The following TEK variants were observed in gnomAD, a reference collection of about 807,000 sequenced individuals.
The protein encoded by TEK is TEK receptor tyrosine kinase.
A neutral mutation model predicts 131.8 loss-of-function variants in TEK; 43 were observed. The observed-to-expected ratio is 0.33, with a 90% CI of 0.26 to 0.42. The LOEUF (loss-of-function observed/expected upper bound fraction) is 0.42, where lower values mean the gene tolerates loss of function less well. Among genes scored for constraint, TEK ranks in the 10% least tolerant of loss-of-function variants. TEK has a pLI of 1.00. For missense variants in TEK, 1,162 were observed against 1,384.4 expected (o/e 0.84, Z 2.55); for synonymous variants, 580 against 491.6 (o/e 1.18, Z -2.38).
chr9:27,220,100 C>T lies in TEK; in HGVS notation c.3155C>T (p.Pro1052Leu). ...TGTGCAGAACTCTACGAGAAGCTGC[C>T]CCAGGGCTACAGACTGGAGAAGCCC... ...MTCAELYEKL[P>L]QGYRLEKPLN... The change falls in exon 21 of 23, where the codon CCC becomes CTC. Residue 1052 changes from proline to leucine, a missense_variant. Coordinates refer to ENST00000380036, the MANE Select transcript of TEK (RefSeq NM_000459.5). The T allele has an allele frequency of 1.2e-6, 2 of 1,613,988 alleles. No individual in the cohort carries two copies. Among genetic ancestry groups the T allele is most frequent in the Non-Finnish European group, 1.7e-6 (2 of 1,179,966 alleles).
chr9:27,128,713 C>T (rs1245226900), intron 1 of TEK, among the ~76,000 whole-genome samples: 1 of 151,988 alleles, frequency 6.6e-6, no homozygotes, highest in African/African-American at 2.4e-5. Flanking sequence ...AGTTGTATTC[C>T]TAGGTATTTT....
chr9:27,220,709 G>A (rs146475505), intron 21 of TEK, among the ~76,000 whole-genome samples: 105 of 152,314 alleles, frequency 6.9e-4, no homozygotes, highest in African/African-American at 2.3e-3. Flanking sequence ...CCTTCCTAGC[G>A]AAGGAGGGAC....
At position 27,197,586 on chromosome 9, in the gene TEK, G is replaced by A. The variant is rs867429615; in HGVS notation, c.1896G>A (p.Trp632Ter). The part of the protein sequence containing the change: ...QGEWSEDLTA[W>*]TLSDILPPQP... ...AATGGAGTGAAGATCTCACTGCTTG[G>A]ACCCTTAGTGACAGTAAGTAATTCA... is the stretch of plus-strand genomic sequence containing the variant. The change falls in exon 12 of 23, where the codon TGG (tryptophan) becomes TGA (stop). Residue 632 changes from tryptophan (W) to a stop codon, truncating the protein, a stop_gained. Transcript: ENST00000380036. LOFTEE classifies it high-confidence loss of function. The A allele has an allele frequency of 6.2e-7, 1 of 1,613,722 alleles. No homozygotes were observed. Among genetic ancestry groups the A allele is most frequent in the African/African-American group, 1.3e-5 (1 of 74,854 alleles).
chr9:27,137,829 G>T (rs1053347994), intron 1 of TEK, among the ~76,000 whole-genome samples: 1 of 151,624 alleles, frequency 6.6e-6, no homozygotes, highest in Non-Finnish European at 1.5e-5. Context: ...TTTCCTGGTT[G>T]TATTAGTTCT....
At chr9:27,200,287 C>T (rs1358439799) in intron 12 of TEK, among the ~76,000 whole-genome samples, 6 of 152,170 alleles carry the variant, frequency 3.9e-5, no homozygotes, top group African/African-American at 1.4e-4. Flanking sequence ...ATCACTATTT[C>T]CTATTTCAAA....
At chr9:27,168,728 C>A in intron 3 of TEK, 123 bp downstream of exon 3, 2 of 764,864 alleles carry the variant, frequency 2.6e-6, no homozygotes, top group Non-Finnish European at 4.5e-6. Context: ...TGCTATGATG[C>A]AAGCTTTCAA....
At chr9:27,224,621 C>CTGTT (rs1234884070) in intron 21 of TEK, among the ~76,000 whole-genome samples, 1 of 152,144 alleles carries the variant, frequency 6.6e-6, no homozygotes, top group Non-Finnish European at 1.5e-5. Context: ...ATATTAAGAG[C>CTGTT]TGTTTATGAC....
At chr9:27,164,608 T>C (rs2131133622) in intron 2 of TEK, among the ~76,000 whole-genome samples, 1 of 152,248 alleles carries the variant, frequency 6.6e-6, no homozygotes, top group African/African-American at 2.4e-5. Context: ...CGTGAGCAAC[T>C]ACGCCTGGCC....
At chr9:27,219,625 A>G (rs975525635) in intron 20 of TEK, among the ~76,000 whole-genome samples, 2 of 152,202 alleles carry the variant, frequency 1.3e-5, no homozygotes, top group African/African-American at 4.8e-5. Flanking sequence ...AATTTAAAAA[A>G]CTGTTCTACA....
rs545389733 is a variant in TEK, at chr9:27,113,951, C to G, written c.52+4309C>G. 3.3e-5 allele frequency among the ~76,000 whole-genome samples: 5 copies of G among 152,294 alleles called. No individual in the cohort carries two copies. The South Asian group carries it at 8.3e-4, about 25-fold the overall frequency. On this transcript the variant is annotated intron_variant, in intron 1 of 22. Coordinates refer to ENST00000380036, the MANE Select transcript of TEK (RefSeq NM_000459.5). ...TGCTGTTCCATCCATTTAGAAATGG[C>G]ATCTTTCATCTCTACTCTGCAAACA...
Position 27,215,766 on chromosome 9 carries a change from G to A in TEK, c.2992-1922G>A, listed in dbSNP as rs538784114. 6.7e-5 allele frequency among the ~76,000 whole-genome samples: 10 copies of A among 148,496 alleles called. No individual in the cohort carries two copies. The East Asian group carries it at 1.0e-3, about 15-fold the overall frequency. ...CACAGTCTCCACCTTCAAAGAGCTCGTAGACATATGACTCAGGATTGTAAC... is the reference window on the plus strand; with the variant it reads ...CACAGTCTCCACCTTCAAAGAGCTCATAGACATATGACTCAGGATTGTAAC... On this transcript the variant is annotated intron_variant, in intron 18 of 22. Coordinates refer to ENST00000380036, the MANE Select transcript of TEK (RefSeq NM_000459.5).
intron 1 of TEK, among the ~76,000 whole-genome samples, chr9:27,137,845 G>A (rs1266671287): frequency 2.0e-5 from 3 of 152,016 alleles, no homozygotes; most frequent in South Asian, 2.1e-4. Context: ...GTTCTTTTGT[G>A]TCCGGAATTT....
chr9:27,191,746 A>T (rs757203779), intron 10 of TEK, among the ~76,000 whole-genome samples: 3 of 152,198 alleles, frequency 2.0e-5, no homozygotes, highest in Non-Finnish European at 2.9e-5. Flanking sequence ...TGATTTGCTG[A>T]ATTGCTGTTT....
chr9:27,166,304 T>C (rs1823728013), intron 2 of TEK, among the ~76,000 whole-genome samples: 1 of 152,378 alleles, frequency 6.6e-6, no homozygotes, highest in Admixed American at 6.5e-5. Flanking sequence ...AGCAAGGGGT[T>C]AATGAATATT....
At chr9:27,126,312 A>G (rs542174104) in intron 1 of TEK, among the ~76,000 whole-genome samples, 3 of 152,164 alleles carry the variant, frequency 2.0e-5, no homozygotes, top group Non-Finnish European at 4.4e-5. Context: ...TCAGCACTAG[A>G]CTTGGGACCA....
At chr9:27,133,918 C>T (rs750357802) in intron 1 of TEK, among the ~76,000 whole-genome samples, 2 of 152,116 alleles carry the variant, frequency 1.3e-5, no homozygotes, top group Non-Finnish European at 2.9e-5. Context: ...CAAAGACAGC[C>T]CAGAGCTGGA....
intron 1 of TEK, among the ~76,000 whole-genome samples, chr9:27,141,783 A>G (rs1822734212): frequency 6.6e-6 from 1 of 152,232 alleles, no homozygotes; most frequent in Non-Finnish European, 1.5e-5. Flanking sequence ...CTTCCATTAC[A>G]TGATGCTGTT....
At chr9:27,130,168 C>T (rs185445758) in intron 1 of TEK, among the ~76,000 whole-genome samples, 1 of 152,270 alleles carries the variant, frequency 6.6e-6, no homozygotes, top group East Asian at 1.9e-4. Flanking sequence ...GAATATGCTA[C>T]TGTAATAACA....
chr9:27,226,750 T>G (rs929704079), intron 21 of TEK, among the ~76,000 whole-genome samples: 3 of 152,136 alleles, frequency 2.0e-5, no homozygotes, highest in African/African-American at 7.2e-5. Flanking sequence ...TACATTTTCT[T>G]GCCTAGAACC....
Sources: gnomAD v4.1 joint callset for allele counts (sites outside exome capture counted in the v4.1 genomes callset) on GRCh38, gnomAD v4.1.1 for gene constraint, MANE v1.5 for transcripts, NCBI Gene and HGNC (gene_info 2026-07-23, HGNC 2026-07-21) for gene names.